The following COL9A1 variants were observed in gnomAD, a reference collection of about 807,000 sequenced individuals.
COL9A1 encodes collagen type IX alpha 1 chain, also known as collagen alpha-1(IX) chain.
Under a neutral mutation model 142.6 loss-of-function variants are expected in COL9A1, and 104 were observed. The observed-to-expected ratio is 0.73, with a 90% CI of 0.62 to 0.86. The LOEUF (loss-of-function observed/expected upper bound fraction) is 0.86, where lower values mean the gene tolerates loss of function less well. Among genes scored for constraint, COL9A1 ranks in the 40% least tolerant of loss-of-function variants. COL9A1 has a pLI of 0.00. For missense variants in COL9A1, 1,210 were observed against 1,176.6 expected (o/e 1.03, Z -0.42); for synonymous variants, 466 against 396.0 (o/e 1.18, Z -2.10).
Position 70,260,642 on chromosome 6 carries a change from T to A in COL9A1, c.1449+15A>T, listed in dbSNP as rs759164298. Reference sequence around the variant, plus strand: ...AACACATTTTGGTATTATATTATTGTCATCACCATCTTACTTTTTCCCCTT... The same window carrying A: ...AACACATTTTGGTATTATATTATTGACATCACCATCTTACTTTTTCCCCTT... On this transcript the variant is annotated intron_variant, in intron 20 of 37. Coordinates refer to ENST00000357250, the MANE Select transcript of COL9A1 (RefSeq NM_001851.6). 2 of 1,612,242 alleles carry A rather than the reference T, an allele frequency of 1.2e-6. No individual in the cohort carries two copies. The highest frequency in any genetic ancestry group is 2.2e-5 in the South Asian group (2 of 90,962).
intron 5 of COL9A1, among the ~76,000 whole-genome samples, chr6:70,284,096 T>C (rs1009651248): frequency 6.6e-6 from 1 of 152,218 alleles, no homozygotes; most frequent in African/African-American, 2.4e-5. Flanking sequence ...CCACCAGCAC[T>C]GACTTTCTAT....
Position 70,294,299 on chromosome 6 carries a change from C to T in COL9A1, c.564G>A (p.Glu188=). ...CAACAAAAAGAGTAGCACTACTCCT[C>T]TCCACGCCAATCATGATCTTATGCC... is the stretch of plus-strand genomic sequence containing the variant. The part of the protein sequence containing the change: ...SQWHKIMIGV[E]RSSATLFVDC... Residue 188 remains glutamate (E), a synonymous_variant, in exon 5 of 38, where the codon GAG becomes GAA. Coordinates refer to ENST00000357250, the MANE Select transcript of COL9A1 (RefSeq NM_001851.6). 1 of 1,614,064 alleles carries T rather than the reference C, an allele frequency of 6.2e-7. No homozygotes were observed. The highest frequency in any genetic ancestry group is 8.5e-7 in the Non-Finnish European group (1 of 1,179,952).
chr6:70,298,622 G>A (rs1773938413), intron 4 of COL9A1, among the ~76,000 whole-genome samples: 1 of 152,074 alleles, frequency 6.6e-6, no homozygotes, highest in Non-Finnish European at 1.5e-5. Context: ...ATGAGCAGGA[G>A]GTAAGGAAGC....
chr6:70,254,749 C>T, intron 24 of COL9A1: 1 of 679,498 alleles, frequency 1.5e-6, no homozygotes, highest in Non-Finnish European at 2.5e-6. Context: ...CTTTCATCAA[C>T]AGGGCAATTT....
intron 6 of COL9A1, chr6:70,283,209 G>A (rs1320563739): frequency 6.8e-7 from 1 of 1,464,730 alleles, no homozygotes; most frequent in African/African-American, 1.4e-5. Context: ...GGAGGCGCGC[G>A]TTCCCCCTGT....
intron 10 of COL9A1, among the ~76,000 whole-genome samples, chr6:70,278,695 TC>T (rs1421443905): frequency 1.3e-5 from 2 of 152,242 alleles, no homozygotes; most frequent in African/African-American, 4.8e-5. Flanking sequence ...TTCTTTTATG[TC>T]TTTTAATATT....
At chr6:70,271,507 G>A (rs1316132005) in intron 14 of COL9A1, 148 bp downstream of exon 14, 3 of 710,822 alleles carry the variant, frequency 4.2e-6, no homozygotes, top group Non-Finnish European at 5.1e-6. Flanking sequence ...ATTATTCCTG[G>A]TTCACATCAA....
intron 24 of COL9A1, 148 bp from the exon 25 acceptor site, chr6:70,254,677 T>C (rs1771160912): frequency 1.0e-5 from 7 of 700,996 alleles, no homozygotes; most frequent in South Asian, 9.8e-5. Flanking sequence ...TAATTTAGGG[T>C]GGGGGAGTAG....
chr6:70,287,689 T>A (rs927529616), intron 5 of COL9A1, among the ~76,000 whole-genome samples: 1 of 152,216 alleles, frequency 6.6e-6, no homozygotes, highest in Non-Finnish European at 1.5e-5. Flanking sequence ...AACACTCCAA[T>A]GGGTCTTTTC....
chr6:70,281,535 G>C, intron 7 of COL9A1, 71 bp from the exon 8 acceptor site: 2 of 1,236,802 alleles, frequency 1.6e-6, no homozygotes, highest in East Asian at 2.5e-5. Flanking sequence ...GCGGTGCCCT[G>C]AAGCCCCCGC....
chr6:70,252,728 G>T (rs2138659), intron 26 of COL9A1, among the ~76,000 whole-genome samples: 23,482 of 151,926 alleles, frequency 0.15, 2,088 homozygotes, highest in Non-Finnish European at 0.21. Flanking sequence ...GGGGAAATAG[G>T]ATATGCTGCT....
At position 70,303,000 on chromosome 6, in the gene COL9A1, G is replaced by A. The variant is rs919326618; in HGVS notation, c.-76C>T. ...TGGAAGGGAGTCACTGTCCCCTCAC[G>A]ACCCCTTCACTGTTACCCTAGGACT... On this transcript the variant is annotated 5_prime_UTR_variant, in exon 1 of 38. Transcript: ENST00000357250. The A allele has an allele frequency of 2.8e-5, 40 of 1,454,224 alleles. No individual in the cohort carries two copies. Among genetic ancestry groups the A allele is most frequent in the Non-Finnish European group, 3.7e-5 (38 of 1,034,814 alleles). 90.1% of individuals were successfully genotyped at this position (1,454,224 alleles called of 1,614,324 possible). A position where few individuals can be genotyped will look rare whatever the true frequency, so the allele number is the denominator to read the frequency against.
chr6:70,254,963 C>G lies in COL9A1; in HGVS notation c.1665G>C (p.Lys555Asn), dbSNP rs772004552. 1 of 1,614,110 alleles carries G rather than the reference C, an allele frequency of 6.2e-7. No individual in the cohort carries two copies. Among genetic ancestry groups the G allele is most frequent in the South Asian group, 1.1e-5 (1 of 91,086 alleles). ...TCTTGGAGTAAATTACACAGCCTAC[C>G]TTTGTTCCAGGCATTCCAGGGATCC... ...RDGIPGMPGT[K>N]GEPGKPGPPG... The change falls in exon 24 of 38, where the codon AAG (lysine) becomes AAC (asparagine). Residue 555 changes from lysine to asparagine, a missense_variant and splice_region_variant. Coordinates refer to ENST00000357250, the MANE Select transcript of COL9A1 (RefSeq NM_001851.6).
chr6:70,283,001 G>A, intron 6 of COL9A1, 83 bp from the exon 7 acceptor site: 2 of 1,613,328 alleles, frequency 1.2e-6, no homozygotes, highest in South Asian at 2.2e-5. Context: ...CACAAGCAGA[G>A]CCCCAACAGC....
rs149219288 is a variant in COL9A1, at chr6:70,240,502, G to T, written c.2079+187C>A. ...CTTGATCTTGGCTGCAATCTTGGGA[G>T]ACTTTTGTTAGCTGATAGGAGAAAC... On this transcript the variant is annotated intron_variant, in intron 32 of 37. Coordinates refer to ENST00000357250, the MANE Select transcript of COL9A1 (RefSeq NM_001851.6). Among the ~76,000 whole-genome samples, 672 of 151,986 alleles carry T rather than the reference G, an allele frequency of 4.4e-3. 20 individuals are homozygous for T. The highest frequency in any genetic ancestry group is 0.04 in the Admixed American group (610 of 15,252).
rs192047082 is a variant in COL9A1 at position 70,281,014 on chromosome 6, G to A, written c.902C>T (p.Pro301Leu). Residue 301 changes from proline to leucine, a missense_variant, in exon 9 of 38, where the codon CCG becomes CTG. Transcript: ENST00000357250. ...CTCCAATCAACTTACCGGGGGGCCC[G>A]GGGGGCCCTTAGGACCTCGGTCACC... ...IDGDRGPKGP[P>L]GPPGPAGEPG... 1,916 of 1,612,222 alleles carry A rather than the reference G, an allele frequency of 1.2e-3. 3 individuals carry two copies. The highest frequency in any genetic ancestry group is 1.4e-3 in the Non-Finnish European group (1,688 of 1,178,858).
intron 5 of COL9A1, among the ~76,000 whole-genome samples, chr6:70,285,877 TTTTC>T (rs906506586): frequency 4.6e-5 from 7 of 152,156 alleles, no homozygotes; most frequent in African/African-American, 1.2e-4. Flanking sequence ...AATTATTTTC[TTTTC>T]TTTCTTTCTT....
intron 21 of COL9A1, among the ~76,000 whole-genome samples, 187 bp downstream of exon 21, chr6:70,256,581 C>G (rs1331062436): frequency 6.6e-6 from 1 of 151,984 alleles, no homozygotes; most frequent in Non-Finnish European, 1.5e-5. Context: ...CATGTCAAGT[C>G]AGAAGAACAT....
intron 37 of COL9A1, among the ~76,000 whole-genome samples, chr6:70,221,128 T>C (rs1432463105): frequency 6.6e-6 from 1 of 152,138 alleles, no homozygotes; most frequent in African/African-American, 2.4e-5. Context: ...AATAGCTATG[T>C]CATTCTCTAT....
Sources: allele counts gnomAD v4.1 joint callset (sites outside exome capture counted in the v4.1 genomes callset), GRCh38; gene constraint gnomAD v4.1.1; transcripts MANE v1.5; gene names NCBI Gene and HGNC (gene_info 2026-07-23, HGNC 2026-07-21).